RAI1: variants seen among roughly 807,000 people sequenced by gnomAD.
RAI1 encodes the protein retinoic acid induced 1.
In RAI1, 9 loss-of-function variants were observed where a neutral mutation model predicts 123.8. The observed-to-expected ratio is 0.07, with a 90% confidence interval of 0.04 to 0.13. The LOEUF (loss-of-function observed/expected upper bound fraction) is 0.13. Among genes scored for constraint, RAI1 ranks in the 10% least tolerant of loss-of-function variants. The pLI, the probability that RAI1 is intolerant of heterozygous loss-of-function variation, is 1.00. For synonymous variants in RAI1, 1,231 were observed against 1,127.3 expected (o/e 1.09, Z -1.84); for missense variants, 2,256 against 2,545.8 (o/e 0.89, Z 2.45).
chr17:17,780,602 T>C (rs2031540368), intron 2 of RAI1, among the ~76,000 whole-genome samples: 1 of 152,210 alleles, frequency 6.6e-6, no homozygotes, highest in Non-Finnish European at 1.5e-5. Flanking sequence ...TCAGTTTGCA[T>C]GTCTGTGAAA....
At chr17:17,737,508 CTGG>C (rs1916469438) in intron 2 of RAI1, among the ~76,000 whole-genome samples, 1 of 152,194 alleles carries the variant, frequency 6.6e-6, no homozygotes, top group Non-Finnish European at 1.5e-5. Flanking sequence ...CTACCTGCTT[CTGG>C]TGGGGTCCTG....
At chr17:17,792,421 G>A (rs1227196897) in intron 2 of RAI1, among the ~76,000 whole-genome samples, 1 of 152,288 alleles carries the variant, frequency 6.6e-6, no homozygotes, top group South Asian at 2.1e-4. Flanking sequence ...AGCATGGCTG[G>A]GTCATGCTTG....
chr17:17,714,068 A>G lies in RAI1; in HGVS notation c.-148-9960A>G, dbSNP rs1378081731. Reference sequence around the variant, plus strand: ...CCAGAGGCTGCCCTGTTCTGCTTGCATGCCTTCAGCCGCAGGTTGCTCACC... The same window carrying G: ...CCAGAGGCTGCCCTGTTCTGCTTGCGTGCCTTCAGCCGCAGGTTGCTCACC... On this transcript the variant is annotated intron_variant, in intron 1 of 5. Transcript: ENST00000353383. The surrounding 1 kb of genome is among the most constrained non-coding windows in gnomAD (Gnocchi z 4.9). 6.6e-6 allele frequency among the ~76,000 whole-genome samples: 1 copy of G among 152,074 alleles called. No individual in the cohort carries two copies. The highest frequency in any genetic ancestry group is 1.5e-5 in the Non-Finnish European group (1 of 68,020).
At chr17:17,699,054 C>G (rs1915128423) in intron 1 of RAI1, among the ~76,000 whole-genome samples, 2 of 152,164 alleles carry the variant, frequency 1.3e-5, no homozygotes, top group South Asian at 2.1e-4. Flanking sequence ...GATCCAGGCA[C>G]TGGGTAAAGG....
At chr17:17,735,369 T>G (rs1916399076) in intron 2 of RAI1, among the ~76,000 whole-genome samples, 1 of 150,870 alleles carries the variant, frequency 6.6e-6, no homozygotes, top group South Asian at 2.1e-4. Context: ...TTTTTTTTTT[T>G]TGAGACGGGG....
chr17:17,802,695 G>C (rs896682466), intron 3 of RAI1, among the ~76,000 whole-genome samples: 1 of 152,250 alleles, frequency 6.6e-6, no homozygotes, highest in Non-Finnish European at 1.5e-5. Context: ...AGAATGGCGT[G>C]AACCCGGGAG....
At chr17:17,727,867 G>GGA (rs142571611) in intron 2 of RAI1, among the ~76,000 whole-genome samples, 6 of 152,096 alleles carry the variant, frequency 3.9e-5, no homozygotes, top group African/African-American at 9.7e-5. Context: ...GAGAAGGGAA[G>GGA]GAGAGAGAGA....
chr17:17,729,623 GAGTA>G (rs1916206356), intron 2 of RAI1, among the ~76,000 whole-genome samples: 1 of 152,252 alleles, frequency 6.6e-6, no homozygotes, highest in African/African-American at 2.4e-5. Context: ...ACTGACAAGA[GAGTA>G]AGGAAAACCA....
intron 1 of RAI1, among the ~76,000 whole-genome samples, chr17:17,719,178 C>A (rs569639778): frequency 1.3e-5 from 2 of 152,306 alleles, no homozygotes; most frequent in East Asian, 3.9e-4. Flanking sequence ...GAAACTCTGA[C>A]CACCCAAGGG....
chr17:17,793,881 T>C lies in RAI1; in HGVS notation c.933T>C (p.Tyr311=), dbSNP rs1350338063. ...ETLHYQNLAK[Y]QHYGQQGQGY... ...TCCATTACCAAAACCTCGCCAAGTA[T>C]CAGCACTACGGGCAGCAAGGCCAGG... Residue 311 remains tyrosine, a synonymous_variant, in exon 3 of 6, where the codon TAT becomes TAC. Coordinates refer to ENST00000353383, the MANE Select transcript of RAI1 (RefSeq NM_030665.4). 1 of 1,613,540 alleles carries C rather than the reference T, an allele frequency of 6.2e-7. No homozygotes were observed. The highest frequency in any genetic ancestry group is 8.5e-7 in the Non-Finnish European group (1 of 1,179,992).
In RAI1 at chr17:17,796,149, C is replaced by T. The variant is rs2143002575; in HGVS notation, c.3201C>T (p.Arg1067=). The part of the protein sequence containing the change: ...TRSLTALSEP[R]TPGPPGLTTT... ...CTCTCACGGCCCTGAGTGAGCCCCG[C>T]ACGCCCGGACCCCCAGGCCTGACCA... is the stretch of plus-strand genomic sequence containing the variant. The change falls in exon 3 of 6, where the codon CGC becomes CGT. Residue 1067 remains arginine (R), a synonymous_variant. Transcript: ENST00000353383. This position sits in a 1 kb window ranked among gnomAD's most constrained non-coding sequence, Gnocchi z 5.8. 5.7e-6 allele frequency: 9 copies of T among 1,567,402 alleles called. No individual in the cohort carries two copies. Among genetic ancestry groups the T allele is most frequent in the Non-Finnish European group, 7.8e-6 (9 of 1,154,806 alleles).
chr17:17,782,560 G>C (rs1230012905), intron 2 of RAI1, among the ~76,000 whole-genome samples: 2 of 151,272 alleles, frequency 1.3e-5, no homozygotes, highest in Non-Finnish European at 1.5e-5. Context: ...TGCGCGGCTG[G>C]AGGGAAGCGC....
intron 1 of RAI1, among the ~76,000 whole-genome samples, chr17:17,696,063 C>G (rs901696643): frequency 6.6e-6 from 1 of 152,186 alleles, no homozygotes; most frequent in East Asian, 1.9e-4. Flanking sequence ...CTTCCCAGTC[C>G]TAAGCATTTT....
chr17:17,715,317 C>T (rs535056155), intron 1 of RAI1, among the ~76,000 whole-genome samples: 3 of 152,340 alleles, frequency 2.0e-5, no homozygotes, highest in South Asian at 2.1e-4. Flanking sequence ...GCTGTGAGAC[C>T]GGGCAGTGGT....
intron 1 of RAI1, among the ~76,000 whole-genome samples, chr17:17,715,287 A>T (rs1163946398): frequency 6.6e-6 from 1 of 152,230 alleles, no homozygotes; most frequent in Non-Finnish European, 1.5e-5. Context: ...GTGGAAGGTA[A>T]ATAAGCAGCC....
intron 1 of RAI1, among the ~76,000 whole-genome samples, chr17:17,687,008 G>A (rs1227164693): frequency 1.3e-5 from 2 of 152,038 alleles, no homozygotes; most frequent in East Asian, 3.9e-4. Flanking sequence ...TTTTGAGATG[G>A]AGTCTTGCTC....
chr17:17,733,328 C>T lies in RAI1; in HGVS notation c.-17+9169C>T, dbSNP rs571702069. Among the ~76,000 whole-genome samples the T allele has an allele frequency of 3.3e-5, 5 of 152,304 alleles. No homozygotes were observed. The South Asian group carries it at 6.2e-4, about 19-fold the overall frequency. The stretch of plus-strand genomic sequence containing the variant: ...AGAAAAAGAAAGGGTGCACCAGATG[C>T]GGGGCACTGCGTGGGGAAAGATAAG... On this transcript the variant is annotated intron_variant, in intron 2 of 5. Transcript: ENST00000353383.
At chr17:17,718,315 A>G in intron 1 of RAI1, among the ~76,000 whole-genome samples, 1 of 152,182 alleles carries the variant, frequency 6.6e-6, no homozygotes, top group East Asian at 1.9e-4. Context: ...CAAAAATGTA[A>G]GAGAACTTGG....
chr17:17,726,041 C>G (rs1453948216), intron 2 of RAI1, among the ~76,000 whole-genome samples: 1 of 152,170 alleles, frequency 6.6e-6, no homozygotes, highest in Middle Eastern at 3.2e-3. Context: ...AGACCCTGGA[C>G]TCCCCCTTCA....
Sources: gnomAD v4.1 joint callset for allele counts (sites outside exome capture counted in the v4.1 genomes callset) on GRCh38, gnomAD v4.1.1 for gene constraint, Gnocchi (gnomAD v3.1) non-coding constraint, MANE v1.5 for transcripts, NCBI Gene and HGNC (gene_info 2026-07-23, HGNC 2026-07-21) for gene names.